Variants in SBF2 observed in about 807,000 individuals in gnomAD.
SBF2 encodes myotubularin-related protein 13.
In SBF2, 112 loss-of-function variants were observed where a neutral mutation model predicts 225.2. That is an observed-to-expected ratio of 0.50 (90% CI 0.43 to 0.58). The LOEUF is 0.58. Ranked by LOEUF, SBF2 falls within the 20% of genes least tolerant of loss-of-function variation. The probability of loss-of-function intolerance (pLI) is 0.00; values close to 1 mark genes in which losing one functional copy is unlikely to be tolerated. For missense variants in SBF2, 1,996 were observed against 2,206.2 expected (o/e 0.90, Z 1.91); for synonymous variants, 763 against 773.3 (o/e 0.99, Z 0.22).
At chr11:10,023,405 T>C (rs1948931739) in intron 6 of SBF2, among the ~76,000 whole-genome samples, 2 of 152,194 alleles carry the variant, frequency 1.3e-5, no homozygotes, top group African/African-American at 4.8e-5. Flanking sequence ...AAATTCCCCA[T>C]TTTAAAGTAT....
At chr11:9,863,324 T>TGTTA (rs1272390752) in intron 17 of SBF2, among the ~76,000 whole-genome samples, 1 of 152,224 alleles carries the variant, frequency 6.6e-6, no homozygotes, top group Admixed American at 6.6e-5. Context: ...TGGCTAGACA[T>TGTTA]GTTAGTTCCC....
chr11:9,823,289 C>T (rs537176352), intron 28 of SBF2, among the ~76,000 whole-genome samples: 7 of 152,102 alleles, frequency 4.6e-5, no homozygotes, highest in African/African-American at 1.7e-4. Flanking sequence ...TAGGAACTCA[C>T]CAACATGCAT....
intron 2 of SBF2, among the ~76,000 whole-genome samples, chr11:10,189,266 T>A (rs2135314756): frequency 6.6e-6 from 1 of 152,342 alleles, no homozygotes; most frequent in South Asian, 2.1e-4. Context: ...AAACATCCCA[T>A]AACTCCTGCC....
At chr11:10,094,755 C>T (rs894098613) in intron 2 of SBF2, among the ~76,000 whole-genome samples, 2 of 151,716 alleles carry the variant, frequency 1.3e-5, no homozygotes, top group South Asian at 2.1e-4. Flanking sequence ...CCACCCGCCT[C>T]GGCCTCCTTA....
At chr11:9,828,770 T>A in intron 28 of SBF2, 2 of 280,726 alleles carry the variant, frequency 7.1e-6, no homozygotes, top group Non-Finnish European at 1.1e-5. Flanking sequence ...AATACACATT[T>A]AACAAACATG....
intron 2 of SBF2, among the ~76,000 whole-genome samples, chr11:10,137,027 T>C (rs988423605): frequency 3.9e-5 from 6 of 152,194 alleles, no homozygotes; most frequent in African/African-American, 1.4e-4. Context: ...CTGTATTGAG[T>C]CTTCCAATCT....
chr11:9,826,183 GAAC>G (rs1482907086), intron 28 of SBF2, among the ~76,000 whole-genome samples: 6 of 152,182 alleles, frequency 3.9e-5, no homozygotes, highest in African/African-American at 1.4e-4. Context: ...GTATTTTTAA[GAAC>G]AATAGCACAT....
intron 6 of SBF2, among the ~76,000 whole-genome samples, chr11:10,027,500 G>A (rs986205153): frequency 2.6e-5 from 4 of 152,078 alleles, no homozygotes; most frequent in South Asian, 4.1e-4. Flanking sequence ...TAGAATTTCT[G>A]TGCAAGAAAT....
chr11:9,836,940 T>C (rs1023987261), intron 26 of SBF2, among the ~76,000 whole-genome samples: 1 of 152,190 alleles, frequency 6.6e-6, no homozygotes, highest in East Asian at 1.9e-4. Context: ...AGTGACCTTA[T>C]CAGTGACCTT....
intron 2 of SBF2, among the ~76,000 whole-genome samples, chr11:10,124,274 C>T (rs1953631200): frequency 6.6e-6 from 1 of 152,132 alleles, no homozygotes; most frequent in African/African-American, 2.4e-5. Context: ...AGTACACTAA[C>T]ATTAAGAAAA....
chr11:10,204,507 C>A (rs111715402), intron 1 of SBF2, among the ~76,000 whole-genome samples: 8,155 of 151,842 alleles, frequency 0.054, 326 homozygotes, highest in Middle Eastern at 0.14. Context: ...GGTGTGGTGG[C>A]AGGCTCCTGT....
intron 33 of SBF2, among the ~76,000 whole-genome samples, chr11:9,794,669 T>C (rs1852981991): frequency 4.0e-5 from 1 of 25,048 alleles, no homozygotes. Context: ...TGAGTGGGAC[T>C]CCGTCTCAAA....
chr11:10,249,106 A>T (rs1960085687), intron 1 of SBF2, among the ~76,000 whole-genome samples: 1 of 152,218 alleles, frequency 6.6e-6, no homozygotes, highest in Non-Finnish European at 1.5e-5. Flanking sequence ...AACAAAAAAA[A>T]AAAAGAAAGA....
At chr11:9,930,477 G>T (rs1864407631) in intron 16 of SBF2, among the ~76,000 whole-genome samples, 1 of 152,194 alleles carries the variant, frequency 6.6e-6, no homozygotes, top group Non-Finnish European at 1.5e-5. Flanking sequence ...GCAGGGTGTT[G>T]AGAAGAGGGG....
intron 16 of SBF2, among the ~76,000 whole-genome samples, chr11:9,906,639 A>C (rs1187775356): frequency 1.3e-5 from 2 of 152,238 alleles, no homozygotes; most frequent in Non-Finnish European, 2.9e-5. Flanking sequence ...ATAAGTCTAC[A>C]ACTATTGACA....
At chr11:10,050,045 T>C (rs1376831746) in intron 2 of SBF2, among the ~76,000 whole-genome samples, 1 of 152,200 alleles carries the variant, frequency 6.6e-6, no homozygotes, top group Non-Finnish European at 1.5e-5. Context: ...AGTGAATCAG[T>C]TCTGTGAATT....
intron 1 of SBF2, among the ~76,000 whole-genome samples, chr11:10,253,940 A>G (rs1960611549): frequency 6.6e-6 from 1 of 152,332 alleles, no homozygotes; most frequent in East Asian, 1.9e-4. Context: ...ACAGTGAAAT[A>G]TTACCTCACA....
chr11:10,037,082 C>G (rs558484442), intron 3 of SBF2, among the ~76,000 whole-genome samples: 3 of 152,230 alleles, frequency 2.0e-5, no homozygotes, highest in Non-Finnish European at 4.4e-5. Context: ...TTTTTCCCTA[C>G]AAAATACATC....
chr11:9,929,341 C>T (rs1226668584), intron 16 of SBF2: 3 of 174,532 alleles, frequency 1.7e-5, no homozygotes, highest in African/African-American at 7.1e-5. Context: ...GGAAACATTT[C>T]TCAATTGGAT....
Sources: allele counts gnomAD v4.1 joint callset (sites outside exome capture counted in the v4.1 genomes callset), GRCh38; gene constraint gnomAD v4.1.1; transcripts MANE v1.5; gene names NCBI Gene and HGNC (gene_info 2026-07-23, HGNC 2026-07-21).